Variants in ELK3 observed in about 807,000 individuals in gnomAD.
ELK3 encodes ETS transcription factor ELK3, also known as ETS domain-containing protein Elk-3.
Under a neutral mutation model 28.9 loss-of-function variants are expected in ELK3, and 10 were observed. The ratio of observed to expected loss-of-function variants is 0.35; its 90% CI spans 0.21 to 0.59. ELK3 has a LOEUF of 0.59. Ranked by LOEUF, ELK3 falls within the 20% of genes least tolerant of loss-of-function variation. ELK3 has a pLI of 0.82. For missense variants in ELK3, 463 were observed against 517.3 expected (o/e 0.90, Z 1.02); for synonymous variants, 272 against 243.5 (o/e 1.12, Z -1.09).
chr12:96,247,777 G>A lies in ELK3; in HGVS notation c.1002+43G>A. ...CATCTAAGCCACAGCCAGCTTCAGT[G>A]GCTTAGCAAAAAAGGAAGAGCAACT... On this transcript the variant is annotated intron_variant, in intron 3 of 4. Transcript: ENST00000228741. This position sits in a 1 kb window ranked among gnomAD's most constrained non-coding sequence, Gnocchi z 5.5. 4 of 1,467,946 alleles carry A rather than the reference G, an allele frequency of 2.7e-6. No individual in the cohort carries two copies. The highest frequency in any genetic ancestry group is 3.6e-6 in the Non-Finnish European group (4 of 1,113,118). 90.9% of individuals were successfully genotyped at this position (1,467,946 alleles called of 1,614,324 possible).
At chr12:96,196,492 C>A (rs536810347) in intron 1 of ELK3, among the ~76,000 whole-genome samples, 96 of 152,186 alleles carry the variant, frequency 6.3e-4, no homozygotes, top group African/African-American at 2.3e-3. Context: ...TTACAAAATA[C>A]CCTCTGATCT....
In ELK3 at chr12:96,200,424, C is replaced by T. The variant is rs533364696; in HGVS notation, c.-3+5719C>T. 2.0e-5 allele frequency among the ~76,000 whole-genome samples: 3 copies of T among 152,124 alleles called. No homozygotes were observed. The South Asian group carries it at 6.2e-4, about 32-fold the overall frequency. On this transcript the variant is annotated intron_variant, in intron 1 of 4. Coordinates refer to ENST00000228741, the MANE Select transcript of ELK3 (RefSeq NM_005230.4). ...TATGATTTACATATATTAAAATGCG[C>T]AGATCTTAAGTGTTATTGTATACAT...
chr12:96,263,124 G>A (rs1049468372), intron 4 of ELK3, among the ~76,000 whole-genome samples: 2 of 152,154 alleles, frequency 1.3e-5, no homozygotes, highest in Non-Finnish European at 2.9e-5. Context: ...AATCCTTGGG[G>A]TAATAGTTGA....
rs376584338 is a variant in ELK3 at position 96,221,390 on chromosome 12, G to A, written c.-2-2175G>A. On this transcript the variant is annotated intron_variant, in intron 1 of 4. Coordinates refer to ENST00000228741, the MANE Select transcript of ELK3 (RefSeq NM_005230.4). ...TCGGAACGTGATGTCAGTTAAAAGT[G>A]GGGGGTGGCGGTGGCCGACCACTTT... 1.3e-4 allele frequency among the ~76,000 whole-genome samples: 20 copies of A among 152,344 alleles called. No homozygotes were observed. In the East Asian group the frequency reaches 3.7e-3, roughly 28 times the overall value.
chr12:96,223,199 G>A (rs550813061), intron 1 of ELK3, among the ~76,000 whole-genome samples: 37 of 152,266 alleles, frequency 2.4e-4, no homozygotes, highest in Non-Finnish European at 4.7e-4. Flanking sequence ...TGGGATGGGC[G>A]GGAATAGACA....
At chr12:96,229,829 C>T (rs950262631) in intron 2 of ELK3, among the ~76,000 whole-genome samples, 6 of 152,066 alleles carry the variant, frequency 3.9e-5, no homozygotes, top group East Asian at 1.9e-4. Flanking sequence ...CGTGCCTGGC[C>T]GATTTTCCTC....
rs1010608505 is a variant in ELK3 at position 96,269,390 on chromosome 12, T to A, written c.*2210T>A. 1 of 152,256 alleles carries A rather than the reference T, an allele frequency of 6.6e-6. No homozygotes were observed. 9.4% of individuals were successfully genotyped at this position (152,256 alleles called of 1,614,324 possible). On this transcript the variant is annotated 3_prime_UTR_variant, in exon 5 of 5. Transcript: ENST00000228741. ...TAAATGCTGATTGGAAATATTTAAATGACTATAGATCTGATTCTTTCTTTT... is the reference window on the plus strand; with the variant it reads ...TAAATGCTGATTGGAAATATTTAAAAGACTATAGATCTGATTCTTTCTTTT...
Position 96,259,802 on chromosome 12 carries a change from A to T in ELK3, c.1074A>T (p.Pro358=). The T allele has an allele frequency of 6.2e-7, 1 of 1,610,338 alleles. No homozygotes were observed. Among genetic ancestry groups the T allele is most frequent in the Non-Finnish European group, 8.5e-7 (1 of 1,178,868 alleles). ...SSIHFWSSLS[P]VAPLSPARLQ... ...TACATTTCTGGAGCAGCCTTAGTCCAGTTGCTCCGCTGAGTCCTGCCAGGC... is the reference window on the plus strand; with the variant it reads ...TACATTTCTGGAGCAGCCTTAGTCCTGTTGCTCCGCTGAGTCCTGCCAGGC... Residue 358 remains proline, a synonymous_variant, in exon 4 of 5, where the codon CCA becomes CCT. Coordinates refer to ENST00000228741, the MANE Select transcript of ELK3 (RefSeq NM_005230.4).
chr12:96,254,572 C>T (rs916843846), intron 3 of ELK3, among the ~76,000 whole-genome samples: 1 of 152,030 alleles, frequency 6.6e-6, no homozygotes, highest in Non-Finnish European at 1.5e-5. Flanking sequence ...GGGGCAAGAT[C>T]GTTTAGTTCA....
chr12:96,263,010 T>C (rs1952005266), intron 4 of ELK3, among the ~76,000 whole-genome samples: 1 of 152,158 alleles, frequency 6.6e-6, no homozygotes, highest in Non-Finnish European at 1.5e-5. Flanking sequence ...ACCTCTTTCA[T>C]GTACGCTATA....
chr12:96,247,072 G>T lies in ELK3; in HGVS notation c.340G>T (p.Ala114Ser). The change falls in exon 3 of 5, where the codon GCG becomes TCG. Residue 114 changes from alanine to serine, a missense_variant. Ala to Ser is a moderately conservative substitution (Grantham distance 99). Around this residue, in one of 2 missense-constraint regions of ELK3, gnomAD observed 408 missense variants for 414.8 expected, o/e 0.98. Transcript: ENST00000228741. This position sits in a 1 kb window ranked among gnomAD's most constrained non-coding sequence, Gnocchi z 5.5. ...SLLLQDSDCK[A>S]SPEGREAHKH... ...TCTGCTGCAGGACAGCGACTGCAAG[G>T]CGTCTCCGGAGGGCCGCGAGGCCCA... is the stretch of plus-strand genomic sequence containing the variant. 3 of 1,613,972 alleles carry T rather than the reference G, an allele frequency of 1.9e-6. No homozygotes were observed. The highest frequency in any genetic ancestry group is 2.5e-6 in the Non-Finnish European group (3 of 1,180,020).
intron 2 of ELK3, among the ~76,000 whole-genome samples, chr12:96,234,446 T>A (rs1395362748): frequency 6.6e-6 from 1 of 152,108 alleles, no homozygotes; most frequent in Admixed American, 6.5e-5. Flanking sequence ...AGTGGTTGTG[T>A]AGACAAACTC....
intron 1 of ELK3, among the ~76,000 whole-genome samples, chr12:96,209,268 G>A (rs752970558): frequency 4.0e-5 from 6 of 151,326 alleles, no homozygotes; most frequent in Admixed American, 3.9e-4. Context: ...TTTTTGTAAT[G>A]TTTCCACTGG....
intron 3 of ELK3, chr12:96,255,681 T>G (rs746907895): frequency 6.6e-6 from 1 of 152,204 alleles, no homozygotes; most frequent in Non-Finnish European, 1.5e-5. Flanking sequence ...TGAGAACATG[T>G]GCCCCAGGTG....
intron 2 of ELK3, among the ~76,000 whole-genome samples, chr12:96,230,398 A>T (rs1951732339): frequency 6.6e-6 from 1 of 152,136 alleles, no homozygotes; most frequent in South Asian, 2.1e-4. Flanking sequence ...TTAGATTTTT[A>T]AAATTATACT....
rs538281147 is a variant in ELK3 at position 96,235,215 on chromosome 12, C to G, written c.207+11442C>G. ...CTGCACCCCCACAGCCGCCCCCCAC[C>G]CCAGCATCTTCTCAGGCCCCCTCCT... is the stretch of plus-strand genomic sequence containing the variant. On this transcript the variant is annotated intron_variant, in intron 2 of 4. Transcript: ENST00000228741. Among the ~76,000 whole-genome samples, 84 of 149,610 alleles carry G rather than the reference C, an allele frequency of 5.6e-4. 1 individual carries two copies. Among genetic ancestry groups the G allele is most frequent in the Middle Eastern group, 3.4e-3 (1 of 292 alleles).
intron 2 of ELK3, among the ~76,000 whole-genome samples, chr12:96,244,002 T>C (rs1452874435): frequency 1.2e-5 from 1 of 83,164 alleles, no homozygotes; most frequent in Non-Finnish European, 2.4e-5. Flanking sequence ...CAAGACTCCA[T>C]CTCAAAAAAA....
At chr12:96,266,277 T>G (rs1380283791) in intron 4 of ELK3, among the ~76,000 whole-genome samples, 1 of 152,220 alleles carries the variant, frequency 6.6e-6, no homozygotes, top group Non-Finnish European at 1.5e-5. Flanking sequence ...TTTCCTGGAC[T>G]AAATAGGAAA....
intron 2 of ELK3, among the ~76,000 whole-genome samples, chr12:96,244,284 A>T (rs1331760167): frequency 6.6e-6 from 1 of 152,102 alleles, no homozygotes; most frequent in African/African-American, 2.4e-5. Flanking sequence ...TAACACAGCA[A>T]GGCCATATGA....
Sources: allele counts gnomAD v4.1 joint callset (sites outside exome capture counted in the v4.1 genomes callset), GRCh38; gene constraint gnomAD v4.1.1; regional missense constraint gnomAD v4.1.1; non-coding constraint Gnocchi (gnomAD v3.1); transcripts MANE v1.5; gene names NCBI Gene and HGNC (gene_info 2026-07-23, HGNC 2026-07-21).